MTX3: variants seen among roughly 807,000 people sequenced by gnomAD.
MTX3 encodes metaxin 3.
Under a neutral mutation model 42.5 loss-of-function variants are expected in MTX3, and 27 were observed. The observed-to-expected ratio is 0.64, with a 90% CI of 0.47 to 0.88. MTX3 has a LOEUF of 0.88. Ranked by LOEUF, MTX3 falls within the 40% of genes least tolerant of loss-of-function variation. The probability of loss-of-function intolerance (pLI) is 0.00; values close to 1 mark genes in which losing one functional copy is unlikely to be tolerated. For missense variants in MTX3, 378 were observed against 367.0 expected, an observed-to-expected ratio of 1.03 and a Z score of -0.25; for synonymous variants, 144 against 132.9, an observed-to-expected ratio of 1.08 and a Z score of -0.57.
intron 6 of MTX3, among the ~76,000 whole-genome samples, chr5:79,987,861 G>T (rs918405122): frequency 1.3e-5 from 2 of 152,064 alleles, no homozygotes; most frequent in African/African-American, 4.8e-5. Flanking sequence ...TGTCACCCAG[G>T]CTGGAGTGCA....
intron 1 of MTX3, 25 bp downstream of exon 1, chr5:79,991,133 G>A (rs939428816): frequency 6.5e-7 from 1 of 1,544,774 alleles, no homozygotes; most frequent in Non-Finnish European, 8.8e-7. Context: ...TTCCTCCTGC[G>A]CCCTGGCCCG....
chr5:79,990,290 G>T, intron 2 of MTX3, 54 bp from the exon 3 acceptor site: 2 of 1,209,620 alleles, frequency 1.7e-6, no homozygotes, highest in Non-Finnish European at 2.3e-6. Flanking sequence ...TCCTCTGAGA[G>T]ATTCCAATAT....
rs767683973 is a variant in MTX3, at chr5:79,983,697, C to A, written c.926G>T (p.Arg309Leu). ...PAEEENNSFQ[R>L]LSP ...CCATGACTACTCTCAGGGCGAAAGCCGTTGGAAGGAATTATTTTCTTCTTC... is the reference window on the plus strand; with the variant it reads ...CCATGACTACTCTCAGGGCGAAAGCAGTTGGAAGGAATTATTTTCTTCTTC... Residue 309 changes from arginine (R) to leucine (L), a missense_variant, in exon 9 of 9, where the codon CGG (arginine) becomes CTG (leucine). Coordinates refer to ENST00000512528, the MANE Select transcript of MTX3 (RefSeq NM_001363818.2). The A allele has an allele frequency of 6.2e-7, 1 of 1,613,136 alleles. No homozygotes were observed. The highest frequency in any genetic ancestry group is 2.2e-5 in the East Asian group (1 of 44,876).
chr5:79,989,131 G>A (rs528352192), intron 4 of MTX3, 21 bp downstream of exon 4: 2 of 1,509,110 alleles, frequency 1.3e-6, no homozygotes, highest in Admixed American at 3.9e-5. Flanking sequence ...CTAAAATACT[G>A]TAATATTTAA....
Position 79,988,550 on chromosome 5 carries a change from G to A in MTX3, c.416C>T (p.Pro139Leu), listed in dbSNP as rs1831552079. The A allele has an allele frequency of 6.2e-7, 1 of 1,611,432 alleles. No homozygotes were observed. The highest frequency in any genetic ancestry group is 1.3e-5 in the African/African-American group (1 of 74,802). The stretch of plus-strand genomic sequence containing the variant: ...CAGTGCTCCCTTAGACATTCTTCCA[G>A]GCAGGATCAAACTCAAAGGAAAAGG... ...QIPFPLSLILPGRMSKGALNR... is the reference protein window; with the variant it reads ...QIPFPLSLILLGRMSKGALNR... Residue 139 changes from proline (P) to leucine (L), a missense_variant, in exon 5 of 9, where the codon CCT becomes CTT. Coordinates refer to ENST00000512528, the MANE Select transcript of MTX3 (RefSeq NM_001363818.2).
rs1831415536 is a variant in MTX3, at chr5:79,983,415, G to C, written c.*269C>G. 1 of 429,024 alleles carries C rather than the reference G, an allele frequency of 2.3e-6. No homozygotes were observed. The highest frequency in any genetic ancestry group is 4.2e-6 in the Non-Finnish European group (1 of 238,828). 26.6% of individuals were successfully genotyped at this position (429,024 alleles called of 1,614,324 possible). A position where few individuals can be genotyped will look rare whatever the true frequency, so the allele number is the denominator to read the frequency against. The stretch of plus-strand genomic sequence containing the variant: ...AAAGGCAAAAATCTGCCATGATTAA[G>C]GCAGTTCTTTGTATACAGTACGATG... On this transcript the variant is annotated 3_prime_UTR_variant, in exon 9 of 9. Coordinates refer to ENST00000512528, the MANE Select transcript of MTX3 (RefSeq NM_001363818.2).
intron 8 of MTX3, among the ~76,000 whole-genome samples, chr5:79,985,013 G>A (rs1009928084): frequency 3.3e-5 from 5 of 151,978 alleles, no homozygotes; most frequent in South Asian, 2.1e-4. Flanking sequence ...ATGGAGTCTC[G>A]CTCCGTTGCC....
chr5:79,983,518 T>C lies in MTX3; in HGVS notation c.*166A>G. 1.6e-6 allele frequency: 1 copy of C among 606,538 alleles called. No individual in the cohort carries two copies. Among genetic ancestry groups the C allele is most frequent in the South Asian group, 1.9e-5 (1 of 51,838 alleles). The allele number at this position is 606,538 out of a possible 1,614,324, so 37.6% of individuals were successfully genotyped here. On this transcript the variant is annotated 3_prime_UTR_variant, in exon 9 of 9. Transcript: ENST00000512528. ...TTAAAAATGCAGTGCCAAGCTAGAA[T>C]ACAAGCTTCCTAATAATAATAGTAA...
In MTX3 at chr5:79,988,204, C is replaced by T. The variant is rs776550467; in HGVS notation, c.581+35G>A. 3 of 1,259,280 alleles carry T rather than the reference C, an allele frequency of 2.4e-6. No homozygotes were observed. The East Asian group carries it at 7.6e-5, about 32-fold the overall frequency. The allele number at this position is 1,259,280 out of a possible 1,614,324, so 78.0% of individuals were successfully genotyped here. On this transcript the variant is annotated intron_variant, in intron 6 of 8. Coordinates refer to ENST00000512528, the MANE Select transcript of MTX3 (RefSeq NM_001363818.2). ...TAGCTGCTCACTGAATATATGTGCACAAAATACCAAAATGATTTTTAAGGG... is the reference window on the plus strand; with the variant it reads ...TAGCTGCTCACTGAATATATGTGCATAAAATACCAAAATGATTTTTAAGGG...
Position 79,986,991 on chromosome 5 carries a change from C to A in MTX3, c.698G>T (p.Cys233Phe). 6.2e-7 allele frequency: 1 copy of A among 1,613,936 alleles called. No individual in the cohort carries two copies. Among genetic ancestry groups the A allele is most frequent in the Non-Finnish European group, 8.5e-7 (1 of 1,179,864 alleles). ...AAAATAACTGCTCAGGATGTCATCA[C>A]AAAAGCGACAGAGGTTGGAGAGCTG... ...LKQLSNLCRF[C>F]DDILSSYFRL... The change falls in exon 7 of 9, where the codon TGT (cysteine) becomes TTT (phenylalanine). Residue 233 changes from cysteine (C) to phenylalanine (F), a missense_variant. Coordinates refer to ENST00000512528, the MANE Select transcript of MTX3 (RefSeq NM_001363818.2).
chr5:79,990,551 A>G (rs1831618026), intron 2 of MTX3, 43 bp downstream of exon 2: 1 of 1,293,920 alleles, frequency 7.7e-7, no homozygotes, highest in Admixed American at 2.4e-5. Context: ...GGAAGAAGAA[A>G]AAAAAGAGTG....
At chr5:79,983,923 T>C in intron 8 of MTX3, 129 bp from the exon 9 acceptor site, 2 of 573,318 alleles carry the variant, frequency 3.5e-6, no homozygotes, top group African/African-American at 1.9e-5. Flanking sequence ...TAGAGAAACC[T>C]TTTTCTTACA....
At chr5:79,990,489 G>A in intron 2 of MTX3, 105 bp downstream of exon 2, 2 of 786,436 alleles carry the variant, frequency 2.5e-6, no homozygotes, top group Non-Finnish European at 2.0e-6. Context: ...CCAAGGTCAC[G>A]GTAAGAAACT....
intron 4 of MTX3, among the ~76,000 whole-genome samples, 176 bp from the exon 5 acceptor site, chr5:79,988,820 T>C (rs557690108): frequency 1.2e-4 from 19 of 152,354 alleles, no homozygotes; most frequent in African/African-American, 4.3e-4. Flanking sequence ...TTTTGTTGAC[T>C]GCTATCTTCC....
rs1831308109 is a variant in MTX3, at chr5:79,978,637, G to T, written c.*5047C>A. ...CCATATTAAAATAAATTAGGGAAAT[G>T]ATGTATAAAATAGAGGTGCTTCTTG... On this transcript the variant is annotated 3_prime_UTR_variant, in exon 9 of 9. Coordinates refer to ENST00000512528, the MANE Select transcript of MTX3 (RefSeq NM_001363818.2). The T allele has an allele frequency of 6.6e-6, 1 of 152,260 alleles. No homozygotes were observed. Among genetic ancestry groups the T allele is most frequent in the East Asian group, 1.9e-4 (1 of 5,180 alleles). The allele number at this position is 152,260 out of a possible 1,614,324, so 9.4% of individuals were successfully genotyped here.
intron 5 of MTX3, 71 bp from the exon 6 acceptor site, chr5:79,988,386 T>A: frequency 6.5e-7 from 1 of 1,527,852 alleles, no homozygotes; most frequent in Non-Finnish European, 8.9e-7. Context: ...AAGGCATCTC[T>A]AGGTAAACTC....
rs772444413 is a variant in MTX3, at chr5:79,985,545, G to A, written c.828+26C>T. The A allele has an allele frequency of 6.7e-6, 10 of 1,482,784 alleles. No homozygotes were observed. The East Asian group carries it at 9.0e-5, about 13-fold the overall frequency. 91.9% of individuals were successfully genotyped at this position (1,482,784 alleles called of 1,614,324 possible). ...TACCGAAAGGAAAATACTGAACTATGATAAAATGATTGAAGTAGACTTGAC... is the reference window on the plus strand; with the variant it reads ...TACCGAAAGGAAAATACTGAACTATAATAAAATGATTGAAGTAGACTTGAC... On this transcript the variant is annotated intron_variant, in intron 8 of 8. Coordinates refer to ENST00000512528, the MANE Select transcript of MTX3 (RefSeq NM_001363818.2).
intron 8 of MTX3, among the ~76,000 whole-genome samples, chr5:79,984,141 C>T (rs1289555944): frequency 6.6e-6 from 1 of 152,124 alleles, no homozygotes; most frequent in African/African-American, 2.4e-5. Context: ...AGTTTGCAAA[C>T]TATGTTCACG....
At position 79,979,870 on chromosome 5, in the gene MTX3, A is replaced by G. The variant is rs746037359; in HGVS notation, c.*3814T>C. The G allele has an allele frequency of 6.6e-6, 1 of 152,032 alleles. No individual in the cohort carries two copies. The highest frequency in any genetic ancestry group is 1.5e-5 in the Non-Finnish European group (1 of 67,996). The allele number at this position is 152,032 out of a possible 1,614,324, so 9.4% of individuals were successfully genotyped here. A position where few individuals can be genotyped will look rare whatever the true frequency, so the allele number is the denominator to read the frequency against. ...AAATTCTATTTAACTTCTATCATAT[A>G]TTTATTCAACTAAGTTGAATACTAT... is the stretch of plus-strand genomic sequence containing the variant. On this transcript the variant is annotated 3_prime_UTR_variant, in exon 9 of 9. Transcript: ENST00000512528.
Sources: allele counts gnomAD v4.1 joint callset (sites outside exome capture counted in the v4.1 genomes callset), GRCh38; gene constraint gnomAD v4.1.1; transcripts MANE v1.5; gene names NCBI Gene and HGNC (gene_info 2026-07-23, HGNC 2026-07-21).